Variants in DNM3 observed in about 807,000 individuals in gnomAD.
The protein encoded by DNM3 is dynamin 3, also known as dynamin-3.
In DNM3, 47 loss-of-function variants were observed where a neutral mutation model predicts 101.6. That is an observed-to-expected ratio of 0.46 (90% CI 0.37 to 0.59). The LOEUF (loss-of-function observed/expected upper bound fraction) is 0.59. Among genes scored for constraint, DNM3 ranks in the 20% least tolerant of loss-of-function variants. DNM3 has a pLI of 0.00. For missense variants in DNM3, 849 were observed against 1,085.7 expected (o/e 0.78, Z 3.06); for synonymous variants, 385 against 387.9 (o/e 0.99, Z 0.09).
intron 14 of DNM3, among the ~76,000 whole-genome samples, chr1:172,219,056 A>G (rs1427521462): frequency 2.0e-5 from 3 of 152,088 alleles, no homozygotes; most frequent in Non-Finnish European, 2.9e-5. Flanking sequence ...TGGAAGCGTG[A>G]AAATTGAAAC....
intron 1 of DNM3, among the ~76,000 whole-genome samples, chr1:171,876,140 A>C (rs995458048): frequency 1.3e-5 from 2 of 152,162 alleles, no homozygotes; most frequent in African/African-American, 4.8e-5. Context: ...ATACGTACTT[A>C]CATCTTTATT....
chr1:171,883,157 T>C lies in DNM3; in HGVS notation c.162-38591T>C, dbSNP rs968985777. ...AATGTTCTTTATTACAGTTACACTA[T>C]CATTTATGTAAATACTCTCTTATCA... On this transcript the variant is annotated intron_variant, in intron 1 of 20. Transcript: ENST00000627582. Among the ~76,000 whole-genome samples, 6 of 151,660 alleles carry C rather than the reference T, an allele frequency of 4.0e-5. No individual in the cohort carries two copies. In the South Asian group the frequency reaches 6.3e-4, roughly 16 times the overall value.
intron 2 of DNM3, among the ~76,000 whole-genome samples, chr1:171,986,045 G>A (rs533977842): frequency 1.3e-5 from 2 of 152,256 alleles, no homozygotes; most frequent in South Asian, 4.2e-4. Context: ...TTTCCAATGA[G>A]ATCAAAGTTT....
intron 2 of DNM3, among the ~76,000 whole-genome samples, chr1:171,969,686 CAGAT>C (rs1234735706): frequency 1.3e-5 from 2 of 152,118 alleles, no homozygotes; most frequent in Non-Finnish European, 2.9e-5. Flanking sequence ...ATTAAAGAAA[CAGAT>C]AGGCAAGTGA....
chr1:171,988,535 T>TAA (rs529113677), intron 3 of DNM3, among the ~76,000 whole-genome samples: 2 of 145,860 alleles, frequency 1.4e-5, no homozygotes, highest in African/African-American at 2.5e-5. Flanking sequence ...AACTTTCTAT[T>TAA]AAAAAAAAAA....
intron 14 of DNM3, among the ~76,000 whole-genome samples, chr1:172,237,335 C>T (rs2061582489): frequency 6.6e-6 from 1 of 151,974 alleles, no homozygotes; most frequent in Non-Finnish European, 1.5e-5. Flanking sequence ...AAGCAGAGAG[C>T]AGGAAAACAA....
chr1:172,291,500 G>A (rs577567070), intron 15 of DNM3, among the ~76,000 whole-genome samples: 13 of 152,152 alleles, frequency 8.5e-5, no homozygotes, highest in African/African-American at 1.4e-4. Flanking sequence ...AATGTAGGTA[G>A]TCTCATGGAT....
chr1:172,414,530 C>T (rs1036281863), downstream of DNM3, among the ~76,000 whole-genome samples: 2 of 152,148 alleles, frequency 1.3e-5, no homozygotes, highest in Admixed American at 6.5e-5. Context: ...GACCATAGAA[C>T]ATCTCACAGA....
chr1:172,002,784 G>T (rs895861742), intron 4 of DNM3, among the ~76,000 whole-genome samples: 11 of 152,036 alleles, frequency 7.2e-5, no homozygotes, highest in African/African-American at 2.7e-4. Flanking sequence ...ATGTGTGAGT[G>T]TAAAATTTGG....
At chr1:171,975,399 A>G (rs950374644) in intron 2 of DNM3, among the ~76,000 whole-genome samples, 7 of 152,202 alleles carry the variant, frequency 4.6e-5, no homozygotes, top group African/African-American at 1.7e-4. Context: ...TTACCAAGTT[A>G]TACTGTACTG....
chr1:172,075,590 T>C (rs1448425775), intron 11 of DNM3, among the ~76,000 whole-genome samples: 1 of 152,204 alleles, frequency 6.6e-6, no homozygotes, highest in Admixed American at 6.5e-5. Context: ...CATTGCTTTT[T>C]TTTGGTCAGA....
intron 12 of DNM3, among the ~76,000 whole-genome samples, chr1:172,084,689 C>T (rs2053408373): frequency 6.6e-6 from 1 of 152,058 alleles, no homozygotes; most frequent in Admixed American, 6.6e-5. Context: ...AAAGTCAAGC[C>T]ATATTTGAAG....
At chr1:172,075,035 A>G (rs1232367554) in intron 11 of DNM3, among the ~76,000 whole-genome samples, 1 of 151,944 alleles carries the variant, frequency 6.6e-6, no homozygotes, top group African/African-American at 2.4e-5. Context: ...GTATCTCCTC[A>G]TTGTGGTTTT....
At chr1:172,187,849 T>C (rs2059579042) in intron 14 of DNM3, among the ~76,000 whole-genome samples, 1 of 152,128 alleles carries the variant, frequency 6.6e-6, no homozygotes, top group African/African-American at 2.4e-5. Flanking sequence ...TGCTCTTCAC[T>C]TCTCCTGTTT....
chr1:171,979,989 G>A (rs182660915), intron 2 of DNM3, among the ~76,000 whole-genome samples: 33 of 152,110 alleles, frequency 2.2e-4, no homozygotes, highest in South Asian at 4.2e-4. Flanking sequence ...CTCTGTCTCC[G>A]GTCTGATACC....
At chr1:172,387,034 G>T (rs1442506929) in intron 18 of DNM3, 99 bp from the exon 19 acceptor site, 4 of 1,017,734 alleles carry the variant, frequency 3.9e-6, no homozygotes, top group East Asian at 2.4e-5. Context: ...GGTGGACTTT[G>T]GTGGACTTTG....
chr1:172,119,954 A>G (rs1285050365), intron 13 of DNM3, among the ~76,000 whole-genome samples: 2 of 152,106 alleles, frequency 1.3e-5, no homozygotes, highest in Non-Finnish European at 2.9e-5. Flanking sequence ...CATTTCTAAA[A>G]CTTTGGTCAA....
At chr1:171,843,586 T>C (rs1226885603) in intron 1 of DNM3, among the ~76,000 whole-genome samples, 1 of 152,230 alleles carries the variant, frequency 6.6e-6, no homozygotes, top group Non-Finnish European at 1.5e-5. Flanking sequence ...TTTATGCATC[T>C]CCCATATATT....
Position 172,409,012 on chromosome 1 carries a change from G to A in DNM3, c.*1171G>A, listed in dbSNP as rs184871099. The A allele has an allele frequency of 1.0e-4, 102 of 985,346 alleles. No individual in the cohort carries two copies. Among genetic ancestry groups the A allele is most frequent in the Middle Eastern group, 5.2e-4 (1 of 1,914 alleles). 61.0% of individuals were successfully genotyped at this position (985,346 alleles called of 1,614,324 possible). On this transcript the variant is annotated 3_prime_UTR_variant, in exon 21 of 21. Transcript: ENST00000627582. ...TCACTCCAGAAAAGGGTATTGAAAC[G>A]TTGAAATCTAAAGCAAATTTGCAAT...
Sources: allele counts gnomAD v4.1 joint callset (sites outside exome capture counted in the v4.1 genomes callset), GRCh38; gene constraint gnomAD v4.1.1; transcripts MANE v1.5; gene names NCBI Gene and HGNC (gene_info 2026-07-23, HGNC 2026-07-21).